The following CDYL variants were observed in gnomAD, a reference collection of about 807,000 sequenced individuals.
CDYL encodes the protein chromodomain Y like, also known as chromodomain Y-like protein.
A neutral mutation model predicts 47.3 loss-of-function variants in CDYL; 8 were observed. That is an observed-to-expected ratio of 0.17 (90% CI 0.10 to 0.31). The LOEUF (loss-of-function observed/expected upper bound fraction) is 0.31. CDYL is among the 10% of genes least tolerant of loss of function. The pLI is 1.00. For synonymous variants in CDYL, 266 were observed against 265.0 expected (o/e 1.00, Z -0.04); for missense variants, 471 against 701.4 (o/e 0.67, Z 3.71).
At position 4,892,276 on chromosome 6, in the gene CDYL, G is replaced by C; in HGVS notation, c.588G>C (p.Glu196Asp). 6.2e-7 allele frequency: 1 copy of C among 1,614,186 alleles called. No individual in the cohort carries two copies. The highest frequency in any genetic ancestry group is 1.1e-5 in the South Asian group (1 of 91,078). Residue 196 changes from glutamate (E) to aspartate (D), a missense_variant, in exon 2 of 7, where the codon GAG (glutamate) becomes GAC (aspartate). Transcript: ENST00000397588. The part of the protein sequence containing the change: ...PVGALLGPGA[E>D]RARMGSRPRI... The stretch of plus-strand genomic sequence containing the variant: ...GAGCTTTATTGGGCCCCGGTGCCGA[G>C]AGGGCCAGGATGGGGAGCAGGCCCA...
In CDYL at chr6:4,916,067, A is replaced by C. The variant is rs77703059; in HGVS notation, c.692-19448A>C. 1.1e-3 allele frequency among the ~76,000 whole-genome samples: 168 copies of C among 152,074 alleles called. 2 individuals carry two copies. In the East Asian group the frequency reaches 0.031, roughly 28 times the overall value. The stretch of plus-strand genomic sequence containing the variant: ...TAGGCCAAACCAATGTATACCTTAC[A>C]TGTATTGATTTATGTCTTTGCCCAT... On this transcript the variant is annotated intron_variant, in intron 2 of 6. Transcript: ENST00000397588.
At chr6:4,819,160 C>CTGTGTGTG (rs1242099604) in intron 1 of CDYL, among the ~76,000 whole-genome samples, 75 of 124,098 alleles carry the variant, frequency 6.0e-4, no homozygotes, top group African/African-American at 3.1e-3. Context: ...CTCTCTCTCT[C>CTGTGTGTG]TCTGTGTGTG....
At chr6:4,739,529 A>AG (rs1397257203) in intron 3 of CDYL, among the ~76,000 whole-genome samples, 1 of 151,962 alleles carries the variant, frequency 6.6e-6, no homozygotes, top group South Asian at 2.1e-4. Context: ...TCAAAAAAAA[A>AG]AAAAAAAGTT....
At chr6:4,819,542 G>A (rs755009048) in intron 1 of CDYL, among the ~76,000 whole-genome samples, 1 of 152,138 alleles carries the variant, frequency 6.6e-6, no homozygotes, top group Admixed American at 6.5e-5. Flanking sequence ...TGCTTTAAAG[G>A]TATCATCATG....
chr6:4,828,168 T>G (rs886830338), intron 1 of CDYL, among the ~76,000 whole-genome samples: 2 of 151,892 alleles, frequency 1.3e-5, no homozygotes, highest in Admixed American at 1.3e-4. Flanking sequence ...TTTATTTATC[T>G]GGGAATGTCT....
intron 2 of CDYL, chr6:4,718,574 G>A (rs1757312316): frequency 6.6e-6 from 1 of 152,018 alleles, no homozygotes; most frequent in Admixed American, 6.6e-5. Context: ...CACCATGCTC[G>A]GCCCCCATGG....
intron 1 of CDYL, among the ~76,000 whole-genome samples, chr6:4,852,944 C>T (rs879904016): frequency 2.6e-5 from 4 of 151,968 alleles, no homozygotes; most frequent in Admixed American, 2.0e-4. Context: ...GACCAGCTAC[C>T]ATGCCCAGCT....
At chr6:4,870,394 C>T (rs1761439937) in intron 1 of CDYL, among the ~76,000 whole-genome samples, 1 of 152,050 alleles carries the variant, frequency 6.6e-6, no homozygotes, top group African/African-American at 2.4e-5. Context: ...ATTTTTATTC[C>T]TGTATAAATT....
intron 1 of CDYL, among the ~76,000 whole-genome samples, chr6:4,857,237 C>T (rs1270521354): frequency 1.3e-5 from 2 of 152,198 alleles, no homozygotes; most frequent in African/African-American, 4.8e-5. Context: ...AATCAACCAT[C>T]ACCACCAAAC....
At position 4,939,649 on chromosome 6, in the gene CDYL, G is replaced by A. The variant is rs139151241; in HGVS notation, c.1121+1912G>A. Among the ~76,000 whole-genome samples, 203 of 152,244 alleles carry A rather than the reference G, an allele frequency of 1.3e-3. 1 individual carries two copies. The highest frequency in any genetic ancestry group is 4.7e-3 in the African/African-American group (194 of 41,534). ...GGGATTTCATCCCTGTGGTACACTA[G>A]GTGGGACCATCTTGTTCTTCAGTTT... On this transcript the variant is annotated intron_variant, in intron 4 of 6. Coordinates refer to ENST00000397588, the MANE Select transcript of CDYL (RefSeq NM_004824.4).
At chr6:4,910,477 T>C (rs1757378258) in intron 2 of CDYL, among the ~76,000 whole-genome samples, 1 of 152,266 alleles carries the variant, frequency 6.6e-6, no homozygotes, top group African/African-American at 2.4e-5. Context: ...TGCCATGTCA[T>C]GAGGTTCACT....
At chr6:4,886,097 A>G (rs746682083) in intron 1 of CDYL, among the ~76,000 whole-genome samples, 8 of 152,194 alleles carry the variant, frequency 5.3e-5, no homozygotes, top group Non-Finnish European at 1.0e-4. Flanking sequence ...CTGTGGCTGA[A>G]TAATATTCTG....
chr6:4,840,696 A>T (rs990455558), intron 1 of CDYL, among the ~76,000 whole-genome samples: 4 of 152,094 alleles, frequency 2.6e-5, no homozygotes, highest in African/African-American at 9.6e-5. Flanking sequence ...TGTGATGACA[A>T]CATTGACTTG....
intron 1 of CDYL, among the ~76,000 whole-genome samples, chr6:4,713,421 T>C (rs926797563): frequency 6.6e-6 from 1 of 152,148 alleles, no homozygotes; most frequent in Non-Finnish European, 1.5e-5. Context: ...CGCTCTGCTC[T>C]TTGTCAGGGC....
intron 1 of CDYL, among the ~76,000 whole-genome samples, chr6:4,779,964 T>C (rs1758566622): frequency 1.3e-5 from 2 of 152,218 alleles, no homozygotes; most frequent in South Asian, 2.1e-4. Context: ...GTGTTTTTTT[T>C]CCAATCACTT....
In CDYL at chr6:4,829,238, T is replaced by TTTG. The variant is rs774997338; in HGVS notation, c.24+52444_24+52446dup. ...TTCTTCCTTGTTTTGCTGGGATTTTTTTGTTGTTGTTGTTGAAGGCTAGAA... is the reference window on the plus strand; with the variant it reads ...TTCTTCCTTGTTTTGCTGGGATTTTTTTGTTGTTGTTGTTGTTGAAGGCTAGAA... On this transcript the variant is annotated intron_variant, in intron 1 of 6. Coordinates refer to ENST00000397588, the MANE Select transcript of CDYL (RefSeq NM_004824.4). Among the ~76,000 whole-genome samples the TTTG allele has an allele frequency of 1.2e-4, 18 of 152,300 alleles. No homozygotes were observed. The East Asian group carries it at 1.7e-3, about 15-fold the overall frequency.
intron 1 of CDYL, among the ~76,000 whole-genome samples, chr6:4,835,870 G>A (rs1286520552): frequency 6.6e-6 from 1 of 152,166 alleles, no homozygotes; most frequent in Non-Finnish European, 1.5e-5. Context: ...GTGGGCGCAG[G>A]ACCCTCCGAG....
chr6:4,834,456 T>C (rs1760235869), intron 1 of CDYL, among the ~76,000 whole-genome samples: 2 of 150,514 alleles, frequency 1.3e-5, no homozygotes, highest in Non-Finnish European at 3.0e-5. Context: ...GTTAGTCTGA[T>C]GGGCTTCCCT....
At chr6:4,819,116 T>TTCTCTCTCGCTCTCTC (rs1759753258) in intron 1 of CDYL, among the ~76,000 whole-genome samples, 1 of 76,672 alleles carries the variant, frequency 1.3e-5, no homozygotes, top group African/African-American at 4.6e-5. Context: ...TTTAGGTTCG[T>TTCTCTCTCGCTCTCTC]TCTCTCTCTC....
Sources: allele counts gnomAD v4.1 joint callset (sites outside exome capture counted in the v4.1 genomes callset), GRCh38; gene constraint gnomAD v4.1.1; transcripts MANE v1.5; gene names NCBI Gene and HGNC (gene_info 2026-07-23, HGNC 2026-07-21).